The following DCLK1 variants were observed in gnomAD, a reference collection of about 807,000 sequenced individuals.
DCLK1 encodes serine/threonine-protein kinase DCLK1.
In DCLK1, 16 loss-of-function variants were observed where a neutral mutation model predicts 86.2. That is an observed-to-expected ratio of 0.19 (90% CI 0.13 to 0.28). DCLK1 has a LOEUF of 0.28. Among genes scored for constraint, DCLK1 ranks in the 10% least tolerant of loss-of-function variants. The pLI is 1.00. For synonymous variants in DCLK1, 369 were observed against 370.5 expected, an observed-to-expected ratio of 1.00 and a Z score of 0.05; for missense variants, 590 against 940.2, an observed-to-expected ratio of 0.63 and a Z score of 4.87.
At chr13:36,079,262 GA>G (rs1459419929) in intron 3 of DCLK1, among the ~76,000 whole-genome samples, 7 of 152,192 alleles carry the variant, frequency 4.6e-5, no homozygotes, top group African/African-American at 1.7e-4. Flanking sequence ...TAACAAAGAT[GA>G]AAAGAAACTT....
chr13:35,847,862 T>C, intron 6 of DCLK1: 4 of 985,306 alleles, frequency 4.1e-6, no homozygotes, highest in African/African-American at 1.7e-5. Context: ...TAAAATTCTA[T>C]GGCAGTACAG....
chr13:35,998,230 G>A (rs1880559209), intron 3 of DCLK1, among the ~76,000 whole-genome samples: 2 of 151,912 alleles, frequency 1.3e-5, no homozygotes, highest in African/African-American at 2.4e-5. Context: ...ACAAAACTAC[G>A]ACACAATACA....
intron 4 of DCLK1, among the ~76,000 whole-genome samples, chr13:35,890,865 T>C (rs1873600127): frequency 7.8e-6 from 1 of 127,998 alleles, no homozygotes; most frequent in African/African-American, 2.7e-5. Flanking sequence ...TTAATATCCC[T>C]CTGCTTTTTT....
intron 3 of DCLK1, among the ~76,000 whole-genome samples, chr13:36,006,657 T>G (rs1317092589): frequency 6.6e-6 from 1 of 152,174 alleles, no homozygotes; most frequent in African/African-American, 2.4e-5. Flanking sequence ...TTACTTCATT[T>G]TGTTGTCTGA....
intron 3 of DCLK1, among the ~76,000 whole-genome samples, chr13:36,110,644 T>G (rs1885578450): frequency 6.6e-6 from 1 of 152,068 alleles, no homozygotes; most frequent in South Asian, 2.1e-4. Context: ...AATTCATGGA[T>G]CATTTTAATT....
chr13:35,937,427 C>T (rs150026765), intron 4 of DCLK1, among the ~76,000 whole-genome samples: 11 of 152,236 alleles, frequency 7.2e-5, no homozygotes, highest in Middle Eastern at 3.4e-3. Flanking sequence ...ATCAAAACAG[C>T]GGGGAGGAGG....
At chr13:35,955,185 T>C (rs1266607872) in intron 3 of DCLK1, among the ~76,000 whole-genome samples, 1 of 152,104 alleles carries the variant, frequency 6.6e-6, no homozygotes, top group African/African-American at 2.4e-5. Flanking sequence ...ATTCATCCTT[T>C]ATTATCTATC....
intron 4 of DCLK1, among the ~76,000 whole-genome samples, chr13:35,933,917 T>C (rs1242938362): frequency 1.3e-5 from 2 of 152,220 alleles, no homozygotes; most frequent in Admixed American, 1.3e-4. Context: ...TATCACATTG[T>C]CAAGCTGCAA....
At chr13:36,073,228 T>G (rs919620031) in intron 3 of DCLK1, among the ~76,000 whole-genome samples, 1 of 152,222 alleles carries the variant, frequency 6.6e-6, no homozygotes, top group African/African-American at 2.4e-5. Context: ...TCCTCATGCC[T>G]GTTTGCAGTC....
chr13:35,880,722 T>C (rs887985158), intron 4 of DCLK1, among the ~76,000 whole-genome samples: 1 of 152,200 alleles, frequency 6.6e-6, no homozygotes, highest in Non-Finnish European at 1.5e-5. Flanking sequence ...AGAAGGCATC[T>C]GTTTTTTCTC....
chr13:35,848,527 T>C (rs1404133343), intron 6 of DCLK1: 14 of 985,186 alleles, frequency 1.4e-5, no homozygotes, highest in Non-Finnish European at 1.6e-5. Context: ...ACTGCTTGAA[T>C]GGAAAGTTGG....
intron 3 of DCLK1, among the ~76,000 whole-genome samples, chr13:36,003,450 C>G (rs572262694): frequency 5.9e-4 from 90 of 152,196 alleles, no homozygotes; most frequent in African/African-American, 2.0e-3. Context: ...GACATATAAC[C>G]AGAACCATAA....
chr13:35,949,525 G>T (rs535800466), intron 3 of DCLK1, among the ~76,000 whole-genome samples: 1 of 152,270 alleles, frequency 6.6e-6, no homozygotes, highest in Admixed American at 6.5e-5. Context: ...CATTTATGAT[G>T]GGCCTACTCT....
At chr13:35,873,898 T>C (rs562144882) in intron 4 of DCLK1, among the ~76,000 whole-genome samples, 5 of 152,244 alleles carry the variant, frequency 3.3e-5, no homozygotes, top group Non-Finnish European at 7.3e-5. Flanking sequence ...TACTTATTTA[T>C]GTCCTACTTT....
At chr13:35,777,401 G>T (rs1406475669) in intron 16 of DCLK1, among the ~76,000 whole-genome samples, 44 of 152,184 alleles carry the variant, frequency 2.9e-4, no homozygotes, top group Non-Finnish European at 8.8e-5. Flanking sequence ...ACAGAACTCA[G>T]TCTTCTCCTG....
At chr13:36,040,281 A>C (rs1882652568) in intron 3 of DCLK1, among the ~76,000 whole-genome samples, 1 of 148,758 alleles carries the variant, frequency 6.7e-6, no homozygotes, top group Admixed American at 6.7e-5. Context: ...CCTTTTGGCT[A>C]TTACAGTTTC....
chr13:35,838,073 A>AAAAAAAAAAAAAAAG (rs1869524712), intron 7 of DCLK1, among the ~76,000 whole-genome samples: 1 of 147,556 alleles, frequency 6.8e-6, no homozygotes, highest in East Asian at 1.9e-4. Context: ...CTCAAAAAAA[A>AAAAAAAAAAAAAAAG]AAAGAAAAGA....
intron 12 of DCLK1, among the ~76,000 whole-genome samples, chr13:35,810,262 C>T (rs2087115430): frequency 6.6e-6 from 1 of 152,172 alleles, no homozygotes; most frequent in African/African-American, 2.4e-5. Context: ...GAGTTTCAGG[C>T]CTAGCATATT....
intron 3 of DCLK1, among the ~76,000 whole-genome samples, chr13:36,102,452 G>A (rs9315386): frequency 6.6e-6 from 1 of 152,074 alleles, no homozygotes; most frequent in Non-Finnish European, 1.5e-5. Context: ...GAGGGTAGTC[G>A]TGAATACAGA....
Sources: allele counts gnomAD v4.1 joint callset (sites outside exome capture counted in the v4.1 genomes callset), GRCh38; gene constraint gnomAD v4.1.1; transcripts MANE v1.5; gene names NCBI Gene and HGNC (gene_info 2026-07-23, HGNC 2026-07-21).